The following SMAP1 variants were observed in gnomAD, a reference collection of about 807,000 sequenced individuals.
SMAP1 encodes the protein small ArfGAP 1.
A neutral mutation model predicts 58.5 loss-of-function variants in SMAP1; 24 were observed. The ratio of observed to expected loss-of-function variants is 0.41; its 90% CI spans 0.30 to 0.58. The LOEUF is 0.58. Ranked by LOEUF, SMAP1 falls within the 20% of genes least tolerant of loss-of-function variation. The probability of loss-of-function intolerance (pLI) is 0.29; values close to 1 mark genes in which losing one functional copy is unlikely to be tolerated. For missense variants in SMAP1, 563 were observed against 566.3 expected (o/e 0.99, Z 0.06); for synonymous variants, 216 against 196.6 (o/e 1.10, Z -0.82).
At chr6:70,858,976 A>G (rs17707634) in intron 10 of SMAP1, 3,855 of 164,468 alleles carry the variant, frequency 0.023, 53 homozygotes, top group Non-Finnish European at 0.036. Context: ...TGCACAGACA[A>G]AGGCTCTTAG....
intron 2 of SMAP1, among the ~76,000 whole-genome samples, chr6:70,738,803 A>G (rs899938367): frequency 3.9e-5 from 6 of 152,190 alleles, no homozygotes; most frequent in African/African-American, 1.2e-4. Context: ...TACAGGCACT[A>G]CTTATGTTAG....
intron 4 of SMAP1, among the ~76,000 whole-genome samples, chr6:70,773,682 T>C (rs1464429664): frequency 1.3e-5 from 2 of 152,174 alleles, no homozygotes; most frequent in Non-Finnish European, 2.9e-5. Context: ...GCAAAAAAGC[T>C]AGAACCACTA....
intron 2 of SMAP1, among the ~76,000 whole-genome samples, chr6:70,747,064 C>T (rs1420253635): frequency 6.6e-6 from 1 of 152,010 alleles, no homozygotes; most frequent in Non-Finnish European, 1.5e-5. Context: ...CACTTTCCTG[C>T]TTTGTGTGAA....
rs1361050525 is a variant in SMAP1 at position 70,779,179 on chromosome 6, T to G, written c.414+5754T>G. 2.0e-5 allele frequency among the ~76,000 whole-genome samples: 3 copies of G among 152,188 alleles called. 1 individual carries two copies. ...CCCTGATGTGCAAGACTGCCTCTTCTCCAGGGTGTAGGCTTCTGCAGGACT... is the reference window on the plus strand; with the variant it reads ...CCCTGATGTGCAAGACTGCCTCTTCGCCAGGGTGTAGGCTTCTGCAGGACT... On this transcript the variant is annotated intron_variant, in intron 4 of 10. Coordinates refer to ENST00000370455, the MANE Select transcript of SMAP1 (RefSeq NM_001044305.3).
chr6:70,783,132 TC>T (rs1767834322), intron 4 of SMAP1, among the ~76,000 whole-genome samples: 2 of 152,116 alleles, frequency 1.3e-5, no homozygotes, highest in Admixed American at 1.3e-4. Context: ...TTCATGAAAA[TC>T]CGCTGTTCTA....
intron 3 of SMAP1, among the ~76,000 whole-genome samples, chr6:70,767,949 T>G (rs1258849581): frequency 6.8e-6 from 1 of 148,086 alleles, no homozygotes; most frequent in East Asian, 1.9e-4. Flanking sequence ...TATTGAGAGT[T>G]TTTAGCATGA....
chr6:70,787,005 C>A (rs1365964789), intron 4 of SMAP1, among the ~76,000 whole-genome samples: 1 of 152,034 alleles, frequency 6.6e-6, no homozygotes, highest in African/African-American at 2.4e-5. Flanking sequence ...AGTCCTAAGC[C>A]AAAAGAACAA....
intron 1 of SMAP1, among the ~76,000 whole-genome samples, chr6:70,698,240 T>C (rs576392813): frequency 6.6e-6 from 1 of 152,348 alleles, no homozygotes; most frequent in East Asian, 1.9e-4. Context: ...TCTCCTGGCC[T>C]GTAAGGTTTC....
At chr6:70,820,674 C>T (rs1769847359) in intron 6 of SMAP1, among the ~76,000 whole-genome samples, 1 of 151,342 alleles carries the variant, frequency 6.6e-6, no homozygotes, top group South Asian at 2.1e-4. Context: ...CCACTGCACT[C>T]CAGCCTGGGC....
chr6:70,711,523 C>CTT (rs551263466), intron 1 of SMAP1, among the ~76,000 whole-genome samples: 6 of 141,286 alleles, frequency 4.2e-5, no homozygotes, highest in Non-Finnish European at 6.2e-5. Flanking sequence ...TTTATTAGCT[C>CTT]TTTTTTTTTT....
At chr6:70,856,385 T>C (rs1771422503) in intron 8 of SMAP1, among the ~76,000 whole-genome samples, 1 of 152,218 alleles carries the variant, frequency 6.6e-6, no homozygotes, top group African/African-American at 2.4e-5. Flanking sequence ...TTAAAACTGA[T>C]TAGATGTATA....
chr6:70,769,614 C>T (rs1023559806), intron 3 of SMAP1, among the ~76,000 whole-genome samples: 1 of 152,130 alleles, frequency 6.6e-6, no homozygotes, highest in Non-Finnish European at 1.5e-5. Context: ...GGTAGATCTT[C>T]CTCCATCCCT....
At chr6:70,682,928 C>T (rs1766781813) in intron 1 of SMAP1, among the ~76,000 whole-genome samples, 1 of 151,940 alleles carries the variant, frequency 6.6e-6, no homozygotes, top group Non-Finnish European at 1.5e-5. Context: ...ATCCCAGGTA[C>T]TTGGGAGGCT....
intron 2 of SMAP1, among the ~76,000 whole-genome samples, chr6:70,753,458 A>G (rs375631947): frequency 6.6e-6 from 1 of 152,160 alleles, no homozygotes; most frequent in African/African-American, 2.4e-5. Context: ...TTATGATTAC[A>G]TAACTTGATC....
chr6:70,709,378 G>T (rs1389853099), intron 1 of SMAP1, among the ~76,000 whole-genome samples: 2 of 151,744 alleles, frequency 1.3e-5, no homozygotes, highest in African/African-American at 4.8e-5. Context: ...TCGCTCTGTT[G>T]CCCATGCTAG....
chr6:70,706,670 T>A (rs1767851759), intron 1 of SMAP1, among the ~76,000 whole-genome samples: 1 of 152,062 alleles, frequency 6.6e-6, no homozygotes, highest in South Asian at 2.1e-4. Context: ...AATACATGCC[T>A]TTAAACAAAT....
chr6:70,718,892 T>G (rs1325333429), intron 1 of SMAP1, among the ~76,000 whole-genome samples: 16 of 152,002 alleles, frequency 1.1e-4, no homozygotes, highest in Non-Finnish European at 8.8e-5. Flanking sequence ...CATTTTCTTA[T>G]TTTAAAAAGT....
intron 4 of SMAP1, among the ~76,000 whole-genome samples, chr6:70,778,847 A>G (rs1487773122): frequency 6.6e-6 from 1 of 152,150 alleles, no homozygotes; most frequent in African/African-American, 2.4e-5. Context: ...GGTACCTCTA[A>G]CCAAGCCCTT....
chr6:70,837,867 T>G, intron 7 of SMAP1: 2 of 1,249,864 alleles, frequency 1.6e-6, no homozygotes, highest in Non-Finnish European at 2.1e-6. Context: ...TCCAAAAAAT[T>G]GATCCTAGTT....
Sources: allele counts gnomAD v4.1 joint callset (sites outside exome capture counted in the v4.1 genomes callset), GRCh38; gene constraint gnomAD v4.1.1; transcripts MANE v1.5; gene names NCBI Gene and HGNC (gene_info 2026-07-23, HGNC 2026-07-21).